Variants in CFAP52 observed in about 807,000 individuals in gnomAD.
CFAP52 encodes cilia- and flagella-associated protein 52.
In CFAP52, 57 loss-of-function variants were observed where a neutral mutation model predicts 70.5. That is an observed-to-expected ratio of 0.81 (90% CI 0.65 to 1.01). CFAP52 has a LOEUF of 1.01. Among genes scored for constraint, CFAP52 ranks in the 50% least tolerant of loss-of-function variants. The pLI, the probability that CFAP52 is intolerant of heterozygous loss-of-function variation, is 0.00. For synonymous variants in CFAP52, 267 were observed against 292.5 expected, an observed-to-expected ratio of 0.91 and a Z score of 0.89; for missense variants, 785 against 788.5, an observed-to-expected ratio of 1.00 and a Z score of 0.05.
In CFAP52 at chr17:9,641,800, T is replaced by G. The variant is rs745330016; in HGVS notation, c.1652T>G (p.Met551Arg). 1 of 1,613,868 alleles carries G rather than the reference T, an allele frequency of 6.2e-7. No homozygotes were observed. The highest frequency in any genetic ancestry group is 8.5e-7 in the Non-Finnish European group (1 of 1,179,874). The stretch of plus-strand genomic sequence containing the variant: ...TCCCTGTCTGGGTCGATAAATGGCA[T>G]GGATATCACACAGGAAGGGGTGCAC... Reference protein sequence around the residue: ...EGSLSGSINGMDITQEGVHFV... With the variant: ...EGSLSGSINGRDITQEGVHFV... Residue 551 changes from methionine to arginine, a missense_variant, in exon 13 of 14, where the codon ATG becomes AGG. Physicochemically the swap from Met to Arg is moderately conservative, Grantham distance 91. Transcript: ENST00000352665.
intron 8 of CFAP52, among the ~76,000 whole-genome samples, chr17:9,622,944 T>C (rs1204790171): frequency 1.3e-5 from 2 of 152,184 alleles, no homozygotes; most frequent in African/African-American, 4.8e-5. Context: ...TTGGAGATCT[T>C]TTTTCTTCTC....
intron 6 of CFAP52, among the ~76,000 whole-genome samples, chr17:9,603,385 A>G (rs1909355041): frequency 6.6e-6 from 1 of 152,032 alleles, no homozygotes; most frequent in Admixed American, 6.6e-5. Context: ...ACTTTTTTGT[A>G]TTTTTAGTAG....
chr17:9,591,417 A>C (rs1908756134), intron 3 of CFAP52, among the ~76,000 whole-genome samples: 1 of 152,132 alleles, frequency 6.6e-6, no homozygotes, highest in Non-Finnish European at 1.5e-5. Context: ...GTTGTAATGC[A>C]ACCTGCTTTT....
chr17:9,581,617 TGTGA>T (rs1314267009), intron 1 of CFAP52, among the ~76,000 whole-genome samples: 1 of 151,952 alleles, frequency 6.6e-6, no homozygotes, highest in Admixed American at 6.6e-5. Context: ...ATGGAGTGTG[TGTGA>T]GTATGTCTGG....
At chr17:9,637,969 G>A (rs949799578) in intron 11 of CFAP52, among the ~76,000 whole-genome samples, 1 of 152,202 alleles carries the variant, frequency 6.6e-6, no homozygotes, top group Non-Finnish European at 1.5e-5. Flanking sequence ...GGCAGGGTAG[G>A]GGGTGGGTCT....
intron 1 of CFAP52, among the ~76,000 whole-genome samples, chr17:9,577,575 G>A (rs1336816393): frequency 1.3e-5 from 2 of 152,164 alleles, no homozygotes; most frequent in Non-Finnish European, 2.9e-5. Flanking sequence ...TAAGAATGTG[G>A]ATGCAGAACA....
At chr17:9,619,347 TG>T (rs1337832063) in intron 8 of CFAP52, among the ~76,000 whole-genome samples, 1 of 316 alleles carries the variant, frequency 3.2e-3, no homozygotes, top group African/African-American at 3.4e-3. Flanking sequence ...TCTGAAATTG[TG>T]GCAATAATCA....
chr17:9,576,899 G>A (rs1302242550), intron 1 of CFAP52, 134 bp downstream of exon 1: 19 of 894,208 alleles, frequency 2.1e-5, no homozygotes, highest in Non-Finnish European at 2.9e-5. Context: ...CCAGGGACAC[G>A]CACAGGAGGA....
chr17:9,633,145 C>G lies in CFAP52; in HGVS notation c.1320+112C>G, dbSNP rs1597794805. 4.0e-6 allele frequency: 5 copies of G among 1,265,238 alleles called. No homozygotes were observed. The East Asian group carries it at 1.3e-4, about 32-fold the overall frequency. 78.4% of individuals were successfully genotyped at this position (1,265,238 alleles called of 1,614,324 possible). On this transcript the variant is annotated intron_variant, in intron 10 of 13. Coordinates refer to ENST00000352665, the MANE Select transcript of CFAP52 (RefSeq NM_145054.5). ...CACCTTTGCTAGTATTCAAGCAGGACCAAATTGACATTTTGATGAGATCTG... is the reference window on the plus strand; with the variant it reads ...CACCTTTGCTAGTATTCAAGCAGGAGCAAATTGACATTTTGATGAGATCTG...
Position 9,625,331 on chromosome 17 carries a change from A to G in CFAP52, c.1026-3341A>G, listed in dbSNP as rs140891449. ...GGCAGTGTTTATAACCAGAATTTAC[A>G]TCTTATTCTTGTGGTTCTCTTGCCA... On this transcript the variant is annotated intron_variant, in intron 8 of 13. Transcript: ENST00000352665. Among the ~76,000 whole-genome samples, 451 of 152,228 alleles carry G rather than the reference A, an allele frequency of 3.0e-3. 3 individuals carry two copies. Among genetic ancestry groups the G allele is most frequent in the African/African-American group, 0.01 (434 of 41,534 alleles).
chr17:9,596,819 G>A (rs1168575134), intron 4 of CFAP52, among the ~76,000 whole-genome samples: 6 of 151,822 alleles, frequency 4.0e-5, no homozygotes, highest in Admixed American at 3.3e-4. Context: ...AGGTACAAGC[G>A]ATTCTCCTGC....
intron 10 of CFAP52, 31 bp downstream of exon 10, chr17:9,633,064 G>C: frequency 6.2e-7 from 1 of 1,607,940 alleles, no homozygotes; most frequent in African/African-American, 1.3e-5. Context: ...AAAAAATAAC[G>C]CTCTGTTTAG....
At chr17:9,631,704 C>T (rs969550171) in intron 9 of CFAP52, among the ~76,000 whole-genome samples, 12 of 150,872 alleles carry the variant, frequency 8.0e-5, no homozygotes, top group African/African-American at 2.9e-4. Context: ...TACTAGTTAC[C>T]GTGGAGGATA....
chr17:9,636,671 G>A (rs1910818296), intron 11 of CFAP52, among the ~76,000 whole-genome samples: 1 of 152,140 alleles, frequency 6.6e-6, no homozygotes, highest in South Asian at 2.1e-4. Flanking sequence ...TGCAAAGATG[G>A]GAGGAAGGAG....
intron 9 of CFAP52, 63 bp from the exon 10 acceptor site, chr17:9,632,825 C>G (rs1470168817): frequency 6.4e-7 from 1 of 1,571,192 alleles, no homozygotes; most frequent in Admixed American, 1.7e-5. Flanking sequence ...GTGAGGCCAG[C>G]AGACTGTGGA....
chr17:9,637,472 G>T (rs1910864055), intron 11 of CFAP52, among the ~76,000 whole-genome samples: 2 of 152,188 alleles, frequency 1.3e-5, no homozygotes, highest in East Asian at 3.8e-4. Context: ...AGCCAGGAAA[G>T]CCTGGCCTGT....
intron 3 of CFAP52, among the ~76,000 whole-genome samples, chr17:9,590,907 A>G (rs1323701851): frequency 6.6e-6 from 1 of 152,110 alleles, no homozygotes; most frequent in African/African-American, 2.4e-5. Flanking sequence ...TTGGAGAGTC[A>G]GGGGTCAACC....
chr17:9,640,613 T>A (rs377355973), intron 12 of CFAP52, among the ~76,000 whole-genome samples: 104 of 152,102 alleles, frequency 6.8e-4, no homozygotes, highest in African/African-American at 2.2e-3. Context: ...CCGTGGTATA[T>A]ATCTGCCACA....
Position 9,585,758 on chromosome 17 carries a change from A to G in CFAP52, c.71-15A>G. ...CTGCACCTGATTATTATTACTGTGA[A>G]TCTCTCTCTTTTAGGACATGTGCCC... On this transcript the variant is annotated splice_polypyrimidine_tract_variant and intron_variant, in intron 1 of 13. Coordinates refer to ENST00000352665, the MANE Select transcript of CFAP52 (RefSeq NM_145054.5). 6.2e-7 allele frequency: 1 copy of G among 1,613,396 alleles called. No homozygotes were observed.
Sources: allele counts gnomAD v4.1 joint callset (sites outside exome capture counted in the v4.1 genomes callset), GRCh38; gene constraint gnomAD v4.1.1; transcripts MANE v1.5; gene names NCBI Gene and HGNC (gene_info 2026-07-23, HGNC 2026-07-21).